SHROOM3: variants seen among roughly 807,000 people sequenced by gnomAD.
SHROOM3 encodes protein Shroom3.
SHROOM3 carries 47 observed loss-of-function variants against 138.6 expected under a neutral mutation model. That is an observed-to-expected ratio of 0.34 (90% CI 0.27 to 0.43). The LOEUF (loss-of-function observed/expected upper bound fraction) is 0.43, where lower values mean the gene tolerates loss of function less well. Ranked by LOEUF, SHROOM3 falls within the 20% of genes least tolerant of loss-of-function variation. The pLI, the probability that SHROOM3 is intolerant of heterozygous loss-of-function variation, is 1.00. For missense variants in SHROOM3, 2,491 were observed against 2,596.5 expected (o/e 0.96, Z 0.88); for synonymous variants, 1,062 against 1,063.3 (o/e 1.00, Z 0.02).
At chr4:76,560,202 C>T (rs987777197) in intron 2 of SHROOM3, among the ~76,000 whole-genome samples, 7 of 152,140 alleles carry the variant, frequency 4.6e-5, no homozygotes, top group Admixed American at 1.3e-4. Context: ...GTCCAGGGAT[C>T]GGGTAACCTT....
chr4:76,736,729 C>T (rs1721082585), intron 4 of SHROOM3, among the ~76,000 whole-genome samples: 1 of 152,044 alleles, frequency 6.6e-6, no homozygotes, highest in Non-Finnish European at 1.5e-5. Flanking sequence ...TCATATATGC[C>T]CTCCCCGTGT....
chr4:76,436,395 CT>C, intron 1 of SHROOM3, among the ~76,000 whole-genome samples, 175 bp downstream of exon 1: 1 of 152,096 alleles, frequency 6.6e-6, no homozygotes, highest in Non-Finnish European at 1.5e-5. Context: ...AAAAATGTGT[CT>C]AGCTCATTTA....
At chr4:76,651,209 A>C (rs958798342) in intron 2 of SHROOM3, among the ~76,000 whole-genome samples, 2 of 151,896 alleles carry the variant, frequency 1.3e-5, no homozygotes. Flanking sequence ...AATAAGACCT[A>C]CTATTTGAAA....
In SHROOM3 at chr4:76,666,290, C is replaced by T. The variant is rs544805727; in HGVS notation, c.324-43866C>T. On this transcript the variant is annotated intron_variant, in intron 2 of 10. Coordinates refer to ENST00000296043, the MANE Select transcript of SHROOM3 (RefSeq NM_020859.4). ...AATCTTGGACTTGTTCATGTGATTA[C>T]TTCTATTCAGATACATCAGTGGATT... Among the ~76,000 whole-genome samples, 5 of 152,308 alleles carry T rather than the reference C, an allele frequency of 3.3e-5. No individual in the cohort carries two copies. The South Asian group carries it at 1.0e-3, about 32-fold the overall frequency.
At chr4:76,439,597 A>G (rs1730628006) in intron 1 of SHROOM3, among the ~76,000 whole-genome samples, 1 of 152,138 alleles carries the variant, frequency 6.6e-6, no homozygotes, top group Non-Finnish European at 1.5e-5. Context: ...GAAAATGCAC[A>G]TTAGCTCATA....
At position 76,739,391 on chromosome 4, in the gene SHROOM3, C is replaced by A; in HGVS notation, c.1218C>A (p.Ser406Arg). 1.9e-6 allele frequency: 3 copies of A among 1,614,142 alleles called. No homozygotes were observed. The highest frequency in any genetic ancestry group is 2.5e-6 in the Non-Finnish European group (3 of 1,180,040). ...RHRERPSSWS[S>R]LDQKRLCRPQ... Reference sequence around the variant, plus strand: ...GTGAGCGGCCCAGCTCCTGGTCTAGCCTTGATCAGAAACGGCTCTGCCGGC... The same window carrying A: ...GTGAGCGGCCCAGCTCCTGGTCTAGACTTGATCAGAAACGGCTCTGCCGGC... The change falls in exon 5 of 11, where the codon AGC becomes AGA. Residue 406 changes from serine to arginine, a missense_variant. Coordinates refer to ENST00000296043, the MANE Select transcript of SHROOM3 (RefSeq NM_020859.4).
At chr4:76,574,369 C>G (rs1283518172) in intron 2 of SHROOM3, among the ~76,000 whole-genome samples, 1 of 152,142 alleles carries the variant, frequency 6.6e-6, no homozygotes, top group African/African-American at 2.4e-5. Context: ...AATTCCCAGG[C>G]CCTGCTCTAA....
intron 2 of SHROOM3, among the ~76,000 whole-genome samples, chr4:76,594,684 C>T (rs1734345285): frequency 6.6e-6 from 1 of 152,168 alleles, no homozygotes; most frequent in Non-Finnish European, 1.5e-5. Flanking sequence ...GTCAGACTAA[C>T]ACCTGCTATG....
At chr4:76,532,543 T>C (rs181546403) in intron 1 of SHROOM3, among the ~76,000 whole-genome samples, 10 of 152,204 alleles carry the variant, frequency 6.6e-5, no homozygotes, top group Admixed American at 4.6e-4. Context: ...AATCCAATTG[T>C]CATCAGTTGG....
chr4:76,617,162 C>G (rs1210808295), intron 2 of SHROOM3, among the ~76,000 whole-genome samples: 1 of 152,208 alleles, frequency 6.6e-6, no homozygotes, highest in African/African-American at 2.4e-5. Flanking sequence ...CTGTCTTAGA[C>G]TAGACCTTGG....
At chr4:76,662,329 T>C (rs1718528726) in intron 2 of SHROOM3, among the ~76,000 whole-genome samples, 1 of 152,214 alleles carries the variant, frequency 6.6e-6, no homozygotes, top group African/African-American at 2.4e-5. Context: ...CTGCTCTCTC[T>C]GCTCCCAGAG....
At chr4:76,551,561 G>T (rs889401202) in intron 1 of SHROOM3, among the ~76,000 whole-genome samples, 5 of 152,094 alleles carry the variant, frequency 3.3e-5, no homozygotes, top group Non-Finnish European at 7.4e-5. Flanking sequence ...TTGAATGAAC[G>T]AACCAATATT....
In SHROOM3 at chr4:76,741,361, G is replaced by C. The variant is rs780547270; in HGVS notation, c.3188G>C (p.Arg1063Pro). ...SVADRRRLFE[R>P]DGKACSTLSL... ...GCCGACCGGCGCCGTCTCTTCGAGCGCGATGGCAAGGCCTGCTCCACGCTC... is the reference window on the plus strand; with the variant it reads ...GCCGACCGGCGCCGTCTCTTCGAGCCCGATGGCAAGGCCTGCTCCACGCTC... Residue 1063 changes from arginine to proline, a missense_variant, in exon 5 of 11, where the codon CGC (arginine) becomes CCC (proline). This residue lies in a region of SHROOM3 where 1,733 missense variants were observed against 1,661.6 expected (regional missense o/e 1.04). Coordinates refer to ENST00000296043, the MANE Select transcript of SHROOM3 (RefSeq NM_020859.4). The surrounding 1 kb of genome is among the most constrained non-coding windows in gnomAD (Gnocchi z 6.2). 30 of 1,607,464 alleles carry C rather than the reference G, an allele frequency of 1.9e-5. No homozygotes were observed. The highest frequency in any genetic ancestry group is 1.7e-4 in the Middle Eastern group (1 of 6,020).
intron 2 of SHROOM3, among the ~76,000 whole-genome samples, chr4:76,699,946 A>C (rs1375508546): frequency 6.6e-6 from 1 of 152,152 alleles, no homozygotes; most frequent in Non-Finnish European, 1.5e-5. Flanking sequence ...TCCAAGCAGA[A>C]TATCAGCAAC....
intron 1 of SHROOM3, among the ~76,000 whole-genome samples, chr4:76,487,066 C>A (rs1231793007): frequency 6.6e-6 from 1 of 152,046 alleles, no homozygotes; most frequent in Non-Finnish European, 1.5e-5. Context: ...GAAAAATAAA[C>A]CTCATGCCCA....
At chr4:76,524,978 T>C (rs1429787042) in intron 1 of SHROOM3, among the ~76,000 whole-genome samples, 1 of 152,210 alleles carries the variant, frequency 6.6e-6, no homozygotes, top group Non-Finnish European at 1.5e-5. Context: ...GTGCAATTGC[T>C]AGATCATATG....
chr4:76,645,173 G>T (rs1471445440), intron 2 of SHROOM3: 1 of 152,134 alleles, frequency 6.6e-6, no homozygotes, highest in Admixed American at 6.5e-5. Flanking sequence ...ATAGCATTAT[G>T]CAGTCAACCA....
intron 1 of SHROOM3, among the ~76,000 whole-genome samples, chr4:76,444,172 C>A (rs956914983): frequency 1.3e-5 from 2 of 152,122 alleles, no homozygotes; most frequent in African/African-American, 2.4e-5. Flanking sequence ...ACCTCAACCT[C>A]CCTAAGTGCT....
intron 10 of SHROOM3, among the ~76,000 whole-genome samples, chr4:76,776,077 G>T (rs1047151251): frequency 2.0e-5 from 3 of 152,102 alleles, no homozygotes; most frequent in Admixed American, 6.5e-5. Flanking sequence ...GGTTGTGCTA[G>T]TTTACATCCC....
Sources: allele counts gnomAD v4.1 joint callset (sites outside exome capture counted in the v4.1 genomes callset), GRCh38; gene constraint gnomAD v4.1.1; regional missense constraint gnomAD v4.1.1; non-coding constraint Gnocchi (gnomAD v3.1); transcripts MANE v1.5; gene names NCBI Gene and HGNC (gene_info 2026-07-23, HGNC 2026-07-21).